NHSL1: variants seen among roughly 807,000 people sequenced by gnomAD.
The protein encoded by NHSL1 is NHS like 1.
A neutral mutation model predicts 95.0 loss-of-function variants in NHSL1; 48 were observed. The ratio of observed to expected loss-of-function variants is 0.51; its 90% CI spans 0.40 to 0.64. NHSL1 has a LOEUF of 0.64. Ranked by LOEUF, NHSL1 falls within the 30% of genes least tolerant of loss-of-function variation. The probability of loss-of-function intolerance (pLI) is 0.00; values close to 1 mark genes in which losing one functional copy is unlikely to be tolerated. For synonymous variants in NHSL1, 783 were observed against 833.9 expected (o/e 0.94, Z 1.05); for missense variants, 1,971 against 2,077.7 (o/e 0.95, Z 1.00).
In NHSL1 at chr6:138,566,137, C is replaced by A. The variant is rs3922645; in HGVS notation, c.202+5573G>T. Among the ~76,000 whole-genome samples the A allele has an allele frequency of 4.6e-3, 704 of 152,222 alleles. 7 individuals are homozygous for A. The highest frequency in any genetic ancestry group is 0.016 in the African/African-American group (664 of 41,526). On this transcript the variant is annotated intron_variant, in intron 1 of 6. Transcript: ENST00000427025. ...TGTTGGCCAGGCGTGGTGGCTCACG[C>A]TTGTAATCCCAACACTTTGGGAGGC...
intron 3 of NHSL1, among the ~76,000 whole-genome samples, chr6:138,470,074 A>G (rs957194481): frequency 6.6e-6 from 1 of 152,154 alleles, no homozygotes; most frequent in African/African-American, 2.4e-5. Flanking sequence ...ATATTTGATA[A>G]AATAATTTGA....
At chr6:138,455,536 A>ATGCTTCCTGCAAGGAGCCCCGCCTTCG (rs1562287973) in intron 3 of NHSL1, among the ~76,000 whole-genome samples, 1 of 30,238 alleles carries the variant, frequency 3.3e-5, no homozygotes, top group Non-Finnish European at 1.2e-4. Flanking sequence ...CCCCGCCTTC[A>ATGCTTCCTGCAAGGAGCCCCGCCTTCG]CATGCTCCCT....
chr6:138,642,813 C>T (rs746264812), intron 1 of NHSL1, among the ~76,000 whole-genome samples: 11 of 152,044 alleles, frequency 7.2e-5, no homozygotes, highest in Non-Finnish European at 1.5e-4. Context: ...TAGGCACATG[C>T]AGATAAGGGC....
chr6:138,436,128 A>G (rs1776083665), intron 5 of NHSL1, among the ~76,000 whole-genome samples: 1 of 152,198 alleles, frequency 6.6e-6, no homozygotes, highest in African/African-American at 2.4e-5. Context: ...TAAGGGTTCA[A>G]GCGAAAGGAA....
intron 1 of NHSL1, chr6:138,651,056 T>C (rs1785085760): frequency 5.2e-6 from 2 of 387,562 alleles, no homozygotes; most frequent in Non-Finnish European, 1.0e-5. Flanking sequence ...ACCTCGTATT[T>C]TGATAACATG....
intron 3 of NHSL1, among the ~76,000 whole-genome samples, chr6:138,447,725 A>G (rs1776955070): frequency 6.6e-6 from 1 of 152,148 alleles, no homozygotes; most frequent in Non-Finnish European, 1.5e-5. Flanking sequence ...GTGAGCCAAG[A>G]TTGTGCCACT....
At chr6:138,628,392 A>G (rs1177943459) in intron 1 of NHSL1, among the ~76,000 whole-genome samples, 1 of 152,144 alleles carries the variant, frequency 6.6e-6, no homozygotes, top group Non-Finnish European at 1.5e-5. Flanking sequence ...TCCATCTTTA[A>G]TATGCATATT....
intron 1 of NHSL1, among the ~76,000 whole-genome samples, chr6:138,526,531 C>T (rs1781912916): frequency 6.6e-6 from 1 of 152,154 alleles, no homozygotes; most frequent in Non-Finnish European, 1.5e-5. Context: ...CACTCTTCTT[C>T]CTTTTTATAT....
chr6:138,493,452 T>C (rs1189163719), intron 2 of NHSL1, among the ~76,000 whole-genome samples: 1 of 152,228 alleles, frequency 6.6e-6, no homozygotes, highest in East Asian at 1.9e-4. Context: ...TGTTCAGTTT[T>C]TCAAGGGGAG....
intron 1 of NHSL1, among the ~76,000 whole-genome samples, chr6:138,553,550 A>G (rs1333554622): frequency 6.6e-6 from 1 of 152,252 alleles, no homozygotes; most frequent in Non-Finnish European, 1.5e-5. Context: ...TGTTGCACAG[A>G]TATGTAAAGC....
upstream of NHSL1, among the ~76,000 whole-genome samples, chr6:138,692,818 G>A (rs1785700949): frequency 6.6e-6 from 1 of 150,960 alleles, no homozygotes. This position sits in a 1 kb window ranked among gnomAD's most constrained non-coding sequence, Gnocchi z 4.0. Context: ...CGTCGGCGCG[G>A]GGCGCCAGCC....
At chr6:138,451,569 G>T (rs1030199014) in intron 3 of NHSL1, among the ~76,000 whole-genome samples, 2 of 152,180 alleles carry the variant, frequency 1.3e-5, no homozygotes, top group Non-Finnish European at 2.9e-5. Context: ...GAAGGGCCAC[G>T]ATTTAGTAAC....
intron 7 of NHSL1, 61 bp downstream of exon 7, chr6:138,429,647 AGGT>A: frequency 7.2e-7 from 1 of 1,384,822 alleles, no homozygotes. Flanking sequence ...AAGTAAATTG[AGGT>A]GCTGCTTGGA....
chr6:138,473,602 T>C (rs1025781353), intron 2 of NHSL1, among the ~76,000 whole-genome samples, 169 bp from the exon 3 acceptor site: 5 of 152,208 alleles, frequency 3.3e-5, no homozygotes, highest in Non-Finnish European at 7.3e-5. Context: ...AAGTACCTAC[T>C]ACACACTACA....
At chr6:138,486,016 CAT>C (rs918458470) in intron 2 of NHSL1, among the ~76,000 whole-genome samples, 1 of 152,150 alleles carries the variant, frequency 6.6e-6, no homozygotes, top group Non-Finnish European at 1.5e-5. Flanking sequence ...GGCTCCGTCT[CAT>C]AACACGCTTC....
At chr6:138,519,286 A>G (rs555983404) in intron 1 of NHSL1, among the ~76,000 whole-genome samples, 46 of 152,250 alleles carry the variant, frequency 3.0e-4, no homozygotes, top group South Asian at 1.2e-3. Context: ...TTCAAAAAAA[A>G]ATCTGCTCTG....
At chr6:138,532,315 G>T (rs1176051426) in intron 1 of NHSL1, among the ~76,000 whole-genome samples, 1 of 152,192 alleles carries the variant, frequency 6.6e-6, no homozygotes, top group Non-Finnish European at 1.5e-5. Context: ...CATCCTGAAG[G>T]CAATGGAACA....
chr6:138,462,043 G>A (rs1457790353), intron 3 of NHSL1, among the ~76,000 whole-genome samples: 2 of 152,194 alleles, frequency 1.3e-5, no homozygotes, highest in Admixed American at 6.5e-5. Flanking sequence ...AGGAGGAGAT[G>A]TAAGAAGTTT....
chr6:138,480,420 A>G (rs760815403), intron 2 of NHSL1, among the ~76,000 whole-genome samples: 1 of 152,170 alleles, frequency 6.6e-6, no homozygotes, highest in Non-Finnish European at 1.5e-5. Context: ...CCAAGTTCAA[A>G]TGTGTTGTGT....
Sources: gnomAD v4.1 joint callset for allele counts (sites outside exome capture counted in the v4.1 genomes callset) on GRCh38, gnomAD v4.1.1 for gene constraint, Gnocchi (gnomAD v3.1) non-coding constraint, MANE v1.5 for transcripts, NCBI Gene and HGNC (gene_info 2026-07-23, HGNC 2026-07-21) for gene names.